The following CSMD1 variants were observed in gnomAD, a reference collection of about 807,000 sequenced individuals.
CSMD1 encodes the protein CUB and Sushi multiple domains 1.
A neutral mutation model predicts 417.5 loss-of-function variants in CSMD1; 213 were observed. The observed-to-expected ratio is 0.51, with a 90% CI of 0.46 to 0.57. The LOEUF is 0.57. CSMD1 is among the 20% of genes least tolerant of loss of function. CSMD1 has a pLI of 0.00. For synonymous variants in CSMD1, 2,862 were observed against 1,736.8 expected (o/e 1.65, Z -16.11); for missense variants, 6,923 against 4,529.7 (o/e 1.53, Z -15.17).
At chr8:4,923,356 T>C (rs1806629159) in intron 1 of CSMD1, among the ~76,000 whole-genome samples, 1 of 152,148 alleles carries the variant, frequency 6.6e-6, no homozygotes. Flanking sequence ...CTTAAAGGGT[T>C]GGCATACATT....
chr8:3,271,717 A>C (rs1801870245), intron 26 of CSMD1, among the ~76,000 whole-genome samples: 1 of 152,142 alleles, frequency 6.6e-6, no homozygotes, highest in Non-Finnish European at 1.5e-5. Flanking sequence ...TTTTGGCTGC[A>C]TAAATGTCTT....
chr8:4,735,658 A>T (rs974621469), intron 1 of CSMD1, among the ~76,000 whole-genome samples: 1 of 152,188 alleles, frequency 6.6e-6, no homozygotes, highest in African/African-American at 2.4e-5. Context: ...GCACGCACTG[A>T]TGTCTTCCAT....
intron 3 of CSMD1, among the ~76,000 whole-genome samples, chr8:4,104,325 G>A (rs528745012): frequency 2.2e-3 from 331 of 152,296 alleles, no homozygotes; most frequent in African/African-American, 7.4e-3. Context: ...CTCCACATGA[G>A]TGCTTAGAAC....
chr8:4,751,624 C>A (rs1331628947), intron 1 of CSMD1, among the ~76,000 whole-genome samples: 1 of 152,106 alleles, frequency 6.6e-6, no homozygotes, highest in Non-Finnish European at 1.5e-5. Context: ...ATAGCAGCCT[C>A]AAGGGTGAAA....
intron 7 of CSMD1, among the ~76,000 whole-genome samples, chr8:3,632,162 A>T (rs922962387): frequency 6.6e-6 from 1 of 152,208 alleles, no homozygotes; most frequent in Non-Finnish European, 1.5e-5. Flanking sequence ...GATTTATTTT[A>T]AAAAATTCAA....
chr8:4,413,390 A>G (rs1159858830), intron 3 of CSMD1, among the ~76,000 whole-genome samples: 6 of 152,186 alleles, frequency 3.9e-5, no homozygotes, highest in African/African-American at 1.4e-4. Flanking sequence ...CAGGTAGCAC[A>G]TAAGCCTCGC....
At chr8:3,172,127 T>C (rs1230594975) in intron 37 of CSMD1, among the ~76,000 whole-genome samples, 6 of 152,344 alleles carry the variant, frequency 3.9e-5, no homozygotes, top group African/African-American at 4.8e-5. Context: ...CAATTATTCT[T>C]AGAATAAATC....
At chr8:4,652,645 T>A (rs1803972755) in intron 1 of CSMD1, among the ~76,000 whole-genome samples, 1 of 151,890 alleles carries the variant, frequency 6.6e-6, no homozygotes, top group Non-Finnish European at 1.5e-5. Flanking sequence ...AGAGAGACTC[T>A]GTCTCAAAAT....
At chr8:4,320,554 T>C (rs1168835000) in intron 3 of CSMD1, among the ~76,000 whole-genome samples, 2 of 151,388 alleles carry the variant, frequency 1.3e-5, no homozygotes, top group Admixed American at 6.6e-5. Context: ...TTCCCCTCCC[T>C]GTGTCCATGT....
chr8:4,724,320 TA>T (rs1357877543), intron 1 of CSMD1, among the ~76,000 whole-genome samples: 6 of 152,146 alleles, frequency 3.9e-5, no homozygotes, highest in Non-Finnish European at 8.8e-5. Flanking sequence ...TCTATATCAC[TA>T]CTGATTATAT....
At chr8:4,384,801 C>G (rs77396788) in intron 3 of CSMD1, among the ~76,000 whole-genome samples, 13,016 of 152,236 alleles carry the variant, frequency 0.085, 709 homozygotes, top group South Asian at 0.19. Flanking sequence ...ATCAGTCCTA[C>G]AGAACATCAA....
chr8:4,765,603 G>A (rs906494370), intron 1 of CSMD1, among the ~76,000 whole-genome samples: 47 of 152,320 alleles, frequency 3.1e-4, no homozygotes, highest in African/African-American at 1.1e-3. Context: ...CTCCTGAGCA[G>A]CTGAGAAAAA....
intron 3 of CSMD1, among the ~76,000 whole-genome samples, chr8:4,310,344 G>T (rs1294987253): frequency 6.6e-6 from 1 of 152,074 alleles, no homozygotes; most frequent in Non-Finnish European, 1.5e-5. Context: ...GGAATGAATG[G>T]GTATCTTGGT....
chr8:4,097,528 C>T (rs146952660), intron 3 of CSMD1, among the ~76,000 whole-genome samples: 215 of 152,254 alleles, frequency 1.4e-3, no homozygotes, highest in African/African-American at 4.8e-3. Context: ...CTGGTGTGTT[C>T]AGATTCACCT....
At chr8:3,757,307 A>G (rs1797713913) in intron 5 of CSMD1, among the ~76,000 whole-genome samples, 2 of 152,138 alleles carry the variant, frequency 1.3e-5, no homozygotes, top group Admixed American at 6.5e-5. Context: ...TATGGGTCAC[A>G]TGGTCTTTGT....
chr8:3,307,733 G>A lies in CSMD1; in HGVS notation c.3912C>T (p.Cys1304=), dbSNP rs1211343918. Residue 1304 remains cysteine (C), a synonymous_variant, in exon 25 of 70, where the codon TGC becomes TGT. Transcript: ENST00000635120. ...CTGGGTCTGCCTCTATAATCCAGGT[G>A]CAGTGGAGGTTGTTGTCATACGGAG... is the stretch of plus-strand genomic sequence containing the variant. ...YPAPYDNNLH[C]TWIIEADPGK... The A allele has an allele frequency of 5.0e-6, 8 of 1,613,586 alleles. No homozygotes were observed. Among genetic ancestry groups the A allele is most frequent in the African/African-American group, 1.3e-5 (1 of 74,904 alleles).
At chr8:3,957,512 T>TA (rs1321266665) in intron 5 of CSMD1, among the ~76,000 whole-genome samples, 1 of 152,006 alleles carries the variant, frequency 6.6e-6, no homozygotes, top group South Asian at 2.1e-4. Context: ...CTCTTCTCTA[T>TA]AAAAAATAAA....
chr8:3,585,890 A>C (rs750520934), intron 9 of CSMD1, among the ~76,000 whole-genome samples: 3 of 152,214 alleles, frequency 2.0e-5, no homozygotes, highest in Non-Finnish European at 4.4e-5. Context: ...AGTTATACTC[A>C]GTATGTGTGG....
In CSMD1 at chr8:3,974,981, T is replaced by G. The variant is rs150647960; in HGVS notation, c.818+22922A>C. Among the ~76,000 whole-genome samples, 446 of 152,316 alleles carry G rather than the reference T, an allele frequency of 2.9e-3. 2 individuals are homozygous for G. The highest frequency in any genetic ancestry group is 0.01 in the African/African-American group (425 of 41,586). On this transcript the variant is annotated intron_variant, in intron 5 of 69. Transcript: ENST00000635120. ...TGTTAAGAATCCAGGATTTTCCCTA[T>G]GTGGAATGCTTGAGTTCTTTGCAGT...
Sources: allele counts gnomAD v4.1 joint callset (sites outside exome capture counted in the v4.1 genomes callset), GRCh38; gene constraint gnomAD v4.1.1; transcripts MANE v1.5; gene names NCBI Gene and HGNC (gene_info 2026-07-23, HGNC 2026-07-21).